The following PPFIA2 variants were observed in gnomAD, a reference collection of about 807,000 sequenced individuals.
The protein encoded by PPFIA2 is liprin-alpha-2.
PPFIA2 carries 46 observed loss-of-function variants against 175.5 expected under a neutral mutation model. The observed-to-expected ratio is 0.26, with a 90% CI of 0.21 to 0.34. The LOEUF (loss-of-function observed/expected upper bound fraction) is 0.34. PPFIA2 is among the 10% of genes least tolerant of loss of function. PPFIA2 has a pLI of 1.00. For synonymous variants in PPFIA2, 568 were observed against 511.4 expected, an observed-to-expected ratio of 1.11 and a Z score of -1.49; for missense variants, 1,179 against 1,506.1, an observed-to-expected ratio of 0.78 and a Z score of 3.60.
At chr12:81,366,488 G>A (rs1351103697) in intron 14 of PPFIA2, among the ~76,000 whole-genome samples, 1 of 151,498 alleles carries the variant, frequency 6.6e-6, no homozygotes, top group Non-Finnish European at 1.5e-5. Context: ...CTTCAGTCAA[G>A]TCCCTCCTTC....
At chr12:81,522,234 C>T (rs1257271687) in intron 4 of PPFIA2, among the ~76,000 whole-genome samples, 1 of 152,132 alleles carries the variant, frequency 6.6e-6, no homozygotes, top group East Asian at 1.9e-4. Flanking sequence ...GATTCCACTG[C>T]CTACACCTTA....
At chr12:81,749,719 T>C (rs1220672677) in intron 3 of PPFIA2, among the ~76,000 whole-genome samples, 1 of 144,124 alleles carries the variant, frequency 6.9e-6, no homozygotes, top group Non-Finnish European at 1.6e-5. Context: ...CATTAATTAG[T>C]TTTTATTTGC....
chr12:81,374,626 T>C lies in PPFIA2; in HGVS notation c.1266+8A>G, dbSNP rs574603378. 2 of 1,608,150 alleles carry C rather than the reference T, an allele frequency of 1.2e-6. No individual in the cohort carries two copies. Among genetic ancestry groups the C allele is most frequent in the Non-Finnish European group, 1.7e-6 (2 of 1,177,404 alleles). Reference sequence around the variant, plus strand: ...TATCTAGGTTGACCAGTTGTTCTAGTGCAGTACCTTGGTTAGGGCTGCAAT... The same window carrying C: ...TATCTAGGTTGACCAGTTGTTCTAGCGCAGTACCTTGGTTAGGGCTGCAAT... On this transcript the variant is annotated splice_region_variant and intron_variant, in intron 11 of 32. Transcript: ENST00000549396.
chr12:81,261,913 C>CT (rs370589815), intron 32 of PPFIA2, 36 bp downstream of exon 32: 34,894 of 1,010,794 alleles, frequency 0.035, no homozygotes, highest in South Asian at 0.037. Context: ...ATTTTTTTGT[C>CT]TTTTTTTTTT....
At chr12:81,441,029 T>C (rs1036775825) in intron 6 of PPFIA2, among the ~76,000 whole-genome samples, 3 of 151,502 alleles carry the variant, frequency 2.0e-5, no homozygotes, top group African/African-American at 7.2e-5. Context: ...TGTTTTAACA[T>C]ATAATTATAT....
intron 4 of PPFIA2, among the ~76,000 whole-genome samples, chr12:81,466,032 A>G (rs975288553): frequency 1.3e-5 from 2 of 152,128 alleles, no homozygotes; most frequent in Non-Finnish European, 2.9e-5. Flanking sequence ...ATCCAAAATT[A>G]CTGTGCAAAA....
intron 4 of PPFIA2, among the ~76,000 whole-genome samples, chr12:81,644,580 TTC>T (rs1167297748): frequency 4.0e-5 from 6 of 151,864 alleles, no homozygotes; most frequent in Non-Finnish European, 8.9e-5. Flanking sequence ...TTTTAGTTTT[TTC>T]TTCAGAAGTA....
intron 4 of PPFIA2, among the ~76,000 whole-genome samples, chr12:81,615,468 C>T (rs993605198): frequency 6.6e-6 from 1 of 152,106 alleles, no homozygotes; most frequent in Non-Finnish European, 1.5e-5. Flanking sequence ...AAGCTGGAGG[C>T]CCTAGTGGAT....
At chr12:81,330,701 A>G (rs2055934493) in intron 21 of PPFIA2, among the ~76,000 whole-genome samples, 1 of 152,184 alleles carries the variant, frequency 6.6e-6, no homozygotes, top group Non-Finnish European at 1.5e-5. Flanking sequence ...CATTGTGTGA[A>G]AAAGAGATCT....
chr12:81,703,777 C>T (rs549947927), intron 3 of PPFIA2, among the ~76,000 whole-genome samples: 2 of 152,214 alleles, frequency 1.3e-5, no homozygotes, highest in South Asian at 4.1e-4. Flanking sequence ...CGAGCATCTT[C>T]CTAATGCCAC....
At chr12:81,377,978 G>C (rs147979284) in intron 9 of PPFIA2, 1 of 152,188 alleles carries the variant, frequency 6.6e-6, no homozygotes, top group African/African-American at 2.4e-5. Context: ...CCAATGACTG[G>C]TGTTTTTACA....
At chr12:81,339,029 G>C (rs2057591354) in intron 21 of PPFIA2, 151 bp downstream of exon 21, 1 of 682,052 alleles carries the variant, frequency 1.5e-6, no homozygotes, top group African/African-American at 1.8e-5. Flanking sequence ...CAGCTAAATT[G>C]AACATTTAAA....
chr12:81,473,945 GA>G (rs1353215202), intron 4 of PPFIA2, among the ~76,000 whole-genome samples: 1 of 152,024 alleles, frequency 6.6e-6, no homozygotes, highest in African/African-American at 2.4e-5. Context: ...TGTTACCTGG[GA>G]AAATGGAAAA....
intron 4 of PPFIA2, among the ~76,000 whole-genome samples, chr12:81,583,888 T>A (rs1285799876): frequency 1.3e-5 from 2 of 151,972 alleles, no homozygotes; most frequent in African/African-American, 4.8e-5. Flanking sequence ...AAACCATGGC[T>A]GGTATGTATG....
At chr12:81,465,710 AC>A in intron 4 of PPFIA2, among the ~76,000 whole-genome samples, 1 of 152,196 alleles carries the variant, frequency 6.6e-6, no homozygotes, top group Middle Eastern at 3.2e-3. Flanking sequence ...CACAGGACAT[AC>A]TTTCTAGAAC....
chr12:81,705,246 G>A (rs1038016144), intron 3 of PPFIA2, among the ~76,000 whole-genome samples: 6 of 150,902 alleles, frequency 4.0e-5, no homozygotes, highest in Non-Finnish European at 4.4e-5. Flanking sequence ...TCAGGAGATC[G>A]AGACTATCCT....
intron 8 of PPFIA2, among the ~76,000 whole-genome samples, chr12:81,399,343 A>T: frequency 6.6e-6 from 1 of 150,538 alleles, no homozygotes; most frequent in African/African-American, 2.4e-5. Context: ...AATCCTGGCT[A>T]ATACAAATGA....
At position 81,509,456 on chromosome 12, in the gene PPFIA2, G is replaced by C. The variant is rs958545749; in HGVS notation, c.304-51590C>G. Among the ~76,000 whole-genome samples, 50 of 152,154 alleles carry C rather than the reference G, an allele frequency of 3.3e-4. 1 individual carries two copies. Among genetic ancestry groups the C allele is most frequent in the Non-Finnish European group, 8.8e-5 (6 of 68,022 alleles). On this transcript the variant is annotated intron_variant, in intron 4 of 32. Transcript: ENST00000549396. ...AGCCCAAGTGAACAAGCTTTTATTT[G>C]CAGGCATTTATATAGGGTCTTTTCT... is the stretch of plus-strand genomic sequence containing the variant.
chr12:81,512,093 A>G (rs1046419772), intron 4 of PPFIA2, among the ~76,000 whole-genome samples: 1 of 152,192 alleles, frequency 6.6e-6, no homozygotes, highest in African/African-American at 2.4e-5. Context: ...ATAGAGATGT[A>G]TTGTGTGATT....
Sources: allele counts gnomAD v4.1 joint callset (sites outside exome capture counted in the v4.1 genomes callset), GRCh38; gene constraint gnomAD v4.1.1; transcripts MANE v1.5; gene names NCBI Gene and HGNC (gene_info 2026-07-23, HGNC 2026-07-21).